Variants in ADNP observed in about 807,000 individuals in gnomAD.
ADNP encodes activity dependent neuroprotector homeobox.
A neutral mutation model predicts 84.9 loss-of-function variants in ADNP; 4 were observed. That is an observed-to-expected ratio of 0.05 (90% CI 0.02 to 0.11). The LOEUF (loss-of-function observed/expected upper bound fraction) is 0.11, where lower values mean the gene tolerates loss of function less well. ADNP is among the 10% of genes least tolerant of loss of function. ADNP has a pLI of 1.00. For missense variants in ADNP, 1,132 were observed against 1,326.0 expected, an observed-to-expected ratio of 0.85 and a Z score of 2.27; for synonymous variants, 554 against 468.1, an observed-to-expected ratio of 1.18 and a Z score of -2.37.
At position 50,904,798 on chromosome 20, in the gene ADNP, G is replaced by A. The variant is rs1982313717; in HGVS notation, c.-38C>T. On this transcript the variant is annotated 5_prime_UTR_variant, in exon 3 of 6. Coordinates refer to ENST00000621696, the MANE Select transcript of ADNP (RefSeq NM_001282531.3). ...TCATCATTACAGTTTTGAGTGCCAG[G>A]GTAAAGAGGTTTTTGTTGAATTGGA... 1 of 151,998 alleles carries A rather than the reference G, an allele frequency of 6.6e-6. No individual in the cohort carries two copies. The highest frequency in any genetic ancestry group is 2.4e-5 in the African/African-American group (1 of 41,370). The allele number at this position is 151,998 out of a possible 1,614,324, so 9.4% of individuals were successfully genotyped here.
chr20:50,896,470 A>G (rs1327044725), intron 5 of ADNP, among the ~76,000 whole-genome samples: 2 of 152,156 alleles, frequency 1.3e-5, no homozygotes, highest in African/African-American at 4.8e-5. Flanking sequence ...AGGCGCCTCT[A>G]ATTCCAGCTA....
intron 4 of ADNP, among the ~76,000 whole-genome samples, chr20:50,902,992 T>A (rs376133072): frequency 6.6e-6 from 1 of 152,240 alleles, no homozygotes; most frequent in Non-Finnish European, 1.5e-5. Context: ...TCAAGTATTA[T>A]TAGTGGAACT....
intron 1 of ADNP, 54 bp from the exon 2 acceptor site, chr20:50,928,879 G>A (rs550632350): frequency 8.5e-5 from 13 of 152,346 alleles, no homozygotes; most frequent in African/African-American, 2.9e-4. Flanking sequence ...ACCCTAAGAA[G>A]GTGGGTGCTC....
At chr20:50,930,672 T>C (rs1351712571) in intron 1 of ADNP, among the ~76,000 whole-genome samples, 154 bp downstream of exon 1, 2 of 151,350 alleles carry the variant, frequency 1.3e-5, no homozygotes, top group Non-Finnish European at 3.0e-5. Context: ...GGCGCCGGGG[T>C]GTGCAAAGGA....
In ADNP at chr20:50,902,114, A is replaced by G. The variant is rs200454237; in HGVS notation, c.109-5T>C. ...AGGTTCAAATTGTTTAAAATCCTAG[A>G]AAACAGTGAAATAAGTTTACAAAAA... is the stretch of plus-strand genomic sequence containing the variant. On this transcript the variant is annotated splice_polypyrimidine_tract_variant and splice_region_variant and intron_variant, in intron 4 of 5. Coordinates refer to ENST00000621696, the MANE Select transcript of ADNP (RefSeq NM_001282531.3). The G allele has an allele frequency of 4.4e-6, 7 of 1,586,178 alleles. No homozygotes were observed. In the Admixed American group the frequency reaches 1.0e-4, roughly 23 times the overall value.
chr20:50,929,452 G>A (rs562340531), intron 1 of ADNP, among the ~76,000 whole-genome samples: 1 of 152,308 alleles, frequency 6.6e-6, no homozygotes, highest in Middle Eastern at 3.4e-3. Flanking sequence ...CACCAACTAA[G>A]AGTGCGAGTG....
chr20:50,903,206 G>T (rs1273274510), intron 4 of ADNP, among the ~76,000 whole-genome samples: 1 of 152,198 alleles, frequency 6.6e-6, no homozygotes, highest in East Asian at 1.9e-4. Flanking sequence ...TCAATCAGGG[G>T]CTCTGACCAA....
At chr20:50,914,078 G>T (rs776213085) in intron 2 of ADNP, 30 of 738,888 alleles carry the variant, frequency 4.1e-5, no homozygotes, top group Non-Finnish European at 7.3e-5. Context: ...TCCAAAAACA[G>T]GCATGAGATT....
At chr20:50,921,396 C>T (rs370666285) in intron 2 of ADNP, among the ~76,000 whole-genome samples, 37 of 152,314 alleles carry the variant, frequency 2.4e-4, no homozygotes, top group African/African-American at 8.7e-4. Flanking sequence ...GGCAACTGAA[C>T]ATCTGCAACT....
chr20:50,892,607 G>GTGCATT lies in ADNP; in HGVS notation c.2101_2106dup (p.Asn701_Ala702dup). ...CTTGGAGACTGATTAAGCCGAGAGG[G>GTGCATT]TGCATTTGTCTTATCCTGGCCATTT... On this transcript the variant is annotated inframe_insertion, in exon 6 of 6. Coordinates refer to ENST00000621696, the MANE Select transcript of ADNP (RefSeq NM_001282531.3). The GTGCATT allele has an allele frequency of 6.2e-7, 1 of 1,614,212 alleles. No homozygotes were observed. Among genetic ancestry groups the GTGCATT allele is most frequent in the South Asian group, 1.1e-5 (1 of 91,086 alleles).
intron 2 of ADNP, among the ~76,000 whole-genome samples, chr20:50,926,329 A>C (rs1298284756): frequency 2.0e-5 from 3 of 152,236 alleles, no homozygotes; most frequent in African/African-American, 7.2e-5. Flanking sequence ...ATGCTCTTTT[A>C]AAAACTCCTT....
intron 5 of ADNP, among the ~76,000 whole-genome samples, chr20:50,897,764 A>G (rs1473726164): frequency 1.3e-5 from 2 of 152,176 alleles, no homozygotes; most frequent in Non-Finnish European, 2.9e-5. Flanking sequence ...TGGGATGAAA[A>G]ACACCACTTA....
intron 2 of ADNP, among the ~76,000 whole-genome samples, chr20:50,907,930 C>G (rs1312654598): frequency 1.3e-5 from 2 of 152,118 alleles, no homozygotes; most frequent in African/African-American, 4.8e-5. Flanking sequence ...TCAGAACATT[C>G]TACAACTTTC....
Position 50,931,319 on chromosome 20 carries a change from A to AGGC in ADNP, c.-761_-759dup, listed in dbSNP as rs1295385770. 1.0e-4 allele frequency: 2 copies of AGGC among 19,050 alleles called. No individual in the cohort carries two copies. Among genetic ancestry groups the AGGC allele is most frequent in the African/African-American group, 2.6e-4 (1 of 3,822 alleles). The allele number at this position is 19,050 out of a possible 1,614,324, so 1.2% of individuals were successfully genotyped here. A position where few individuals can be genotyped will look rare whatever the true frequency, so the allele number is the denominator to read the frequency against. ...GGCGGAGGGGAGACCGGGCCGGCGG[A>AGGC]GGCGGCGGCGGCAACGGGCGGGGGA... On this transcript the variant is annotated 5_prime_UTR_variant, in exon 1 of 6. Coordinates refer to ENST00000621696, the MANE Select transcript of ADNP (RefSeq NM_001282531.3).
chr20:50,914,899 C>T (rs1277053846), intron 2 of ADNP, among the ~76,000 whole-genome samples: 3 of 151,982 alleles, frequency 2.0e-5, no homozygotes, highest in African/African-American at 4.8e-5. Context: ...GGAATATTTA[C>T]GTATTTCAGT....
chr20:50,925,281 C>CACAT (rs2123000296), intron 2 of ADNP, among the ~76,000 whole-genome samples: 1 of 152,048 alleles, frequency 6.6e-6, no homozygotes, highest in East Asian at 1.9e-4. Flanking sequence ...CACACACACA[C>CACAT]ACACACACAC....
intron 1 of ADNP, 40 bp from the exon 2 acceptor site, chr20:50,928,865 A>G (rs898918886): frequency 6.6e-6 from 1 of 152,262 alleles, no homozygotes; most frequent in Non-Finnish European, 1.5e-5. Context: ...ATGGAAATCA[A>G]CACACCCTAA....
rs1251640940 is a variant in ADNP at position 50,891,602 on chromosome 20, C to T, written c.3112G>A (p.Gly1038Arg). 1.9e-6 allele frequency: 3 copies of T among 1,613,820 alleles called. No individual in the cohort carries two copies. In the South Asian group the frequency reaches 3.3e-5, roughly 18 times the overall value. The change falls in exon 6 of 6, where the codon GGG becomes AGG. Residue 1038 changes from glycine (G) to arginine (R), a missense_variant. Coordinates refer to ENST00000621696, the MANE Select transcript of ADNP (RefSeq NM_001282531.3). ...TGTGACTGGTCCTTAGACCAAAACC[C>T]TTCAACTTTTCCATAGGAACTATTC... ...WKNSSYGKVE[G>R]FWSKDQSQWK...
chr20:50,892,316 T>C lies in ADNP; in HGVS notation c.2398A>G (p.Ile800Val), dbSNP rs998441317. ...AASLWLWKSDIASHFSNKRKK... is the reference protein window; with the variant it reads ...AASLWLWKSDVASHFSNKRKK... Reference sequence around the variant, plus strand: ...CTTTTGTTACTAAAATGGGAAGCGATGTCACTCTTCCATAACCATAAACTG... The same window carrying C: ...CTTTTGTTACTAAAATGGGAAGCGACGTCACTCTTCCATAACCATAAACTG... The change falls in exon 6 of 6, where the codon ATC (isoleucine) becomes GTC (valine). Residue 800 changes from isoleucine (I) to valine (V), a missense_variant. Ile to Val is a conservative substitution (Grantham distance 29). This residue lies in a region of ADNP where 41 missense variants were observed against 78.4 expected (regional missense o/e 0.52). Coordinates refer to ENST00000621696, the MANE Select transcript of ADNP (RefSeq NM_001282531.3). 6 of 1,614,088 alleles carry C rather than the reference T, an allele frequency of 3.7e-6. No homozygotes were observed. The highest frequency in any genetic ancestry group is 1.3e-5 in the African/African-American group (1 of 74,932).
Sources: gnomAD v4.1 joint callset for allele counts (sites outside exome capture counted in the v4.1 genomes callset) on GRCh38, gnomAD v4.1.1 for gene constraint, gnomAD v4.1.1 regional missense constraint, MANE v1.5 for transcripts, NCBI Gene and HGNC (gene_info 2026-07-23, HGNC 2026-07-21) for gene names.